The following CEP63 variants were observed in gnomAD, a reference collection of about 807,000 sequenced individuals.
CEP63 encodes centrosomal protein of 63 kDa.
Under a neutral mutation model 89.1 loss-of-function variants are expected in CEP63, and 84 were observed. The observed-to-expected ratio is 0.94, with a 90% CI of 0.79 to 1.13. CEP63 has a LOEUF of 1.13. Ranked by LOEUF, CEP63 falls within the 50% of genes most tolerant of loss-of-function variation. The probability of loss-of-function intolerance (pLI) is 0.00; values close to 1 mark genes in which losing one functional copy is unlikely to be tolerated. For synonymous variants in CEP63, 267 were observed against 272.5 expected (o/e 0.98, Z 0.20); for missense variants, 838 against 813.3 (o/e 1.03, Z -0.37).
downstream of CEP63, among the ~76,000 whole-genome samples, chr3:134,578,046 A>G (rs1002338491): frequency 3.3e-5 from 5 of 152,082 alleles, no homozygotes; most frequent in African/African-American, 7.2e-5. Flanking sequence ...GGTTGGTTCC[A>G]TGTCTTTGCT....
At chr3:134,764,149 C>T in the CEP63 span, among the ~76,000 whole-genome samples, 2 of 152,154 alleles carry the variant, frequency 1.3e-5, no homozygotes, top group African/African-American at 4.8e-5. Context: ...TTCCAGTTTG[C>T]CTCAATGCCA....
chr3:134,697,626 A>T, the CEP63 span, among the ~76,000 whole-genome samples: 7 of 151,966 alleles, frequency 4.6e-5, no homozygotes, highest in Non-Finnish European at 8.8e-5. Context: ...TTCCCTCATG[A>T]TTGTACCCAC....
the CEP63 span, chr3:134,619,296 C>T: frequency 1.3e-6 from 2 of 1,560,368 alleles, no homozygotes; most frequent in Non-Finnish European, 1.8e-6. Context: ...TCATGAAGAG[C>T]TTGAGCCTGG....
chr3:134,620,703 T>C, the CEP63 span: 1 of 1,382,032 alleles, frequency 7.2e-7, no homozygotes, highest in Non-Finnish European at 1.0e-6. Flanking sequence ...CTGCAGGGAA[T>C]GGAAGCAAGG....
chr3:134,690,884 G>A, the CEP63 span, among the ~76,000 whole-genome samples: 16 of 151,870 alleles, frequency 1.1e-4, no homozygotes, highest in Non-Finnish European at 1.6e-4. Flanking sequence ...AAGTAGCTGG[G>A]ATTACAGGCT....
At chr3:134,552,176 T>C (rs1440938149) in intron 12 of CEP63, 164 bp downstream of exon 12, 4 of 463,738 alleles carry the variant, frequency 8.6e-6, no homozygotes, top group African/African-American at 2.0e-5. Flanking sequence ...GAGCAAAATA[T>C]GACTCTCCAC....
chr3:134,755,699 A>G, the CEP63 span: 12 of 152,184 alleles, frequency 7.9e-5, no homozygotes, highest in African/African-American at 4.8e-5. Flanking sequence ...GAGGAACCAC[A>G]ACTTGGTAAG....
chr3:134,693,779 C>G, the CEP63 span, among the ~76,000 whole-genome samples: 1 of 152,314 alleles, frequency 6.6e-6, no homozygotes, highest in Admixed American at 6.5e-5. Flanking sequence ...AGTGCAAGGG[C>G]TTGCAGGGGC....
At chr3:134,598,496 G>T in the CEP63 span, among the ~76,000 whole-genome samples, 963 of 152,330 alleles carry the variant, frequency 6.3e-3, 6 homozygotes, top group African/African-American at 0.022. Flanking sequence ...GTCCTAGTGT[G>T]ATAAGAATAT....
At chr3:134,723,290 C>T in the CEP63 span, among the ~76,000 whole-genome samples, 1 of 152,178 alleles carries the variant, frequency 6.6e-6, no homozygotes, top group African/African-American at 2.4e-5. Context: ...GGATGACAGC[C>T]ATAGCGTGCT....
At chr3:134,756,967 C>G in the CEP63 span, among the ~76,000 whole-genome samples, 1 of 152,124 alleles carries the variant, frequency 6.6e-6, no homozygotes, top group African/African-American at 2.4e-5. Flanking sequence ...AATCATAGAC[C>G]CTGCACATGT....
At chr3:134,725,598 A>G in the CEP63 span, among the ~76,000 whole-genome samples, 9 of 152,338 alleles carry the variant, frequency 5.9e-5, no homozygotes, top group East Asian at 1.5e-3. Flanking sequence ...GTTATTACAT[A>G]CATATTGTGT....
the CEP63 span, among the ~76,000 whole-genome samples, chr3:134,664,977 AG>A: frequency 2.0e-5 from 3 of 152,126 alleles, no homozygotes; most frequent in Non-Finnish European, 4.4e-5. Flanking sequence ...TGGGAGCAAC[AG>A]GGGCAGGGGA....
chr3:134,603,960 G>T, the CEP63 span: 1 of 1,613,980 alleles, frequency 6.2e-7, no homozygotes, highest in Non-Finnish European at 8.5e-7. Context: ...CAAAGATCTT[G>T]AGGGCAAACT....
chr3:134,685,089 AAGAC>A, the CEP63 span, among the ~76,000 whole-genome samples: 6 of 152,170 alleles, frequency 3.9e-5, no homozygotes, highest in African/African-American at 1.2e-4. Context: ...TTTTCATTAA[AAGAC>A]AGTATTTCTG....
At chr3:134,580,720 G>A (rs760062181) in intron 10 of CEP63, among the ~76,000 whole-genome samples, 1 of 152,132 alleles carries the variant, frequency 6.6e-6, no homozygotes, top group Non-Finnish European at 1.5e-5. Flanking sequence ...ACAATATGGG[G>A]TTTATCTCAT....
At chr3:134,629,765 T>C in the CEP63 span, 2 of 890,376 alleles carry the variant, frequency 2.2e-6, no homozygotes, top group Admixed American at 2.2e-5. Flanking sequence ...TCATGACTGA[T>C]GATTGAATAA....
the CEP63 span, among the ~76,000 whole-genome samples, chr3:134,690,108 T>C: frequency 6.6e-6 from 1 of 152,230 alleles, no homozygotes; most frequent in African/African-American, 2.4e-5. Flanking sequence ...CAAATCTTTC[T>C]ATGTAATACT....
the CEP63 span, chr3:134,647,636 A>G: frequency 1.7e-6 from 1 of 591,386 alleles, no homozygotes; most frequent in Admixed American, 3.4e-5. Context: ...CATGAATAAG[A>G]TGCCCTTGAG....
Sources: allele counts gnomAD v4.1 joint callset (sites outside exome capture counted in the v4.1 genomes callset), GRCh38; gene constraint gnomAD v4.1.1; transcripts MANE v1.5; gene names NCBI Gene and HGNC (gene_info 2026-07-23, HGNC 2026-07-21).